NCS1: variants seen among roughly 807,000 people sequenced by gnomAD.
NCS1 encodes frequenin homolog.
A neutral mutation model predicts 28.4 loss-of-function variants in NCS1; 6 were observed. The ratio of observed to expected loss-of-function variants is 0.21; its 90% CI spans 0.12 to 0.42. The LOEUF is 0.42. Among genes scored for constraint, NCS1 ranks in the 10% least tolerant of loss-of-function variants. The pLI, the probability that NCS1 is intolerant of heterozygous loss-of-function variation, is 1.00. For synonymous variants in NCS1, 86 were observed against 99.3 expected, an observed-to-expected ratio of 0.87 and a Z score of 0.79; for missense variants, 131 against 241.4, an observed-to-expected ratio of 0.54 and a Z score of 3.03.
chr9:130,212,947 G>A (rs1833132006), intron 2 of NCS1, among the ~76,000 whole-genome samples: 1 of 152,136 alleles, frequency 6.6e-6, no homozygotes, highest in South Asian at 2.1e-4. Context: ...AGAGGCCTGG[G>A]GGTGGCTGGG....
At chr9:130,204,213 T>G (rs1374922409) in intron 2 of NCS1, among the ~76,000 whole-genome samples, 1 of 152,082 alleles carries the variant, frequency 6.6e-6, no homozygotes, top group Non-Finnish European at 1.5e-5. Context: ...GCCAGGCTGG[T>G]CTTGAACTCC....
At chr9:130,201,612 G>C (rs917461089) in intron 2 of NCS1, among the ~76,000 whole-genome samples, 2 of 152,154 alleles carry the variant, frequency 1.3e-5, no homozygotes, top group Admixed American at 6.5e-5. Context: ...GGCTCACCAT[G>C]TAAGGTGGCT....
In NCS1 at chr9:130,226,192, A is replaced by G. The variant is rs912590230; in HGVS notation, c.475-197A>G. 6.6e-6 allele frequency among the ~76,000 whole-genome samples: 1 copy of G among 152,204 alleles called. No individual in the cohort carries two copies. The highest frequency in any genetic ancestry group is 1.5e-5 in the Non-Finnish European group (1 of 68,024). On this transcript the variant is annotated intron_variant, in intron 6 of 7. Transcript: ENST00000372398. This position sits in a 1 kb window ranked among gnomAD's most constrained non-coding sequence, Gnocchi z 4.8. ...CCCAGGTGAAGAAACATGCCCAGAG[A>G]GGTGGGCCACGGCCCAAGGCCACCC...
chr9:130,197,975 A>C (rs1832896917), intron 1 of NCS1, among the ~76,000 whole-genome samples: 2 of 151,766 alleles, frequency 1.3e-5, no homozygotes, highest in Admixed American at 1.3e-4. Flanking sequence ...CAGAAAAAAA[A>C]AAAAAAAAAG....
rs909314823 is a variant in NCS1, at chr9:130,192,275, G to A, written c.65-8683G>A. On this transcript the variant is annotated intron_variant, in intron 1 of 7. Transcript: ENST00000372398. The surrounding 1 kb of genome is among the most constrained non-coding windows in gnomAD (Gnocchi z 4.8). ...TGCGTCTGCTGTCACGTTACTCTGA[G>A]CTTGGAGGCAGTGCCGCCGAGCACT... 2.0e-5 allele frequency among the ~76,000 whole-genome samples: 3 copies of A among 152,186 alleles called. No individual in the cohort carries two copies.
intron 3 of NCS1, 113 bp downstream of exon 3, chr9:130,218,083 C>T: frequency 7.5e-7 from 1 of 1,338,664 alleles, no homozygotes; most frequent in Non-Finnish European, 1.1e-6. Context: ...AAGGAACACA[C>T]ACACGAGTGC....
intron 1 of NCS1, among the ~76,000 whole-genome samples, chr9:130,190,031 C>CAAGAGAGAGA (rs1564704728): frequency 2.7e-5 from 1 of 37,436 alleles, no homozygotes. Flanking sequence ...TATGTTTATG[C>CAAGAGAGAGA]AAGAGAGAGA....
intron 1 of NCS1, among the ~76,000 whole-genome samples, chr9:130,190,032 A>AAGAGAGAGAGGG (rs1554906082): frequency 8.3e-6 from 1 of 120,470 alleles, no homozygotes; most frequent in African/African-American, 3.3e-5. Flanking sequence ...ATGTTTATGC[A>AAGAGAGAGAGGG]AGAGAGAGAG....
chr9:130,188,842 G>A (rs561916161), intron 1 of NCS1, among the ~76,000 whole-genome samples: 25 of 152,078 alleles, frequency 1.6e-4, no homozygotes, highest in African/African-American at 4.1e-4. Context: ...TCAGCCTCCC[G>A]AGTAACTGGA....
At chr9:130,206,794 T>G (rs533315654) in intron 2 of NCS1, among the ~76,000 whole-genome samples, 1 of 152,098 alleles carries the variant, frequency 6.6e-6, no homozygotes, top group Admixed American at 6.5e-5. Context: ...AAATGCAGGA[T>G]TCCTGAGCCC....
In NCS1 at chr9:130,226,303, G is replaced by A; in HGVS notation, c.475-86G>A. On this transcript the variant is annotated intron_variant, in intron 6 of 7. Transcript: ENST00000372398. The surrounding 1 kb of genome is among the most constrained non-coding windows in gnomAD (Gnocchi z 4.8). ...TCCCTCCTGATCTAACCTTGGAAGG[G>A]CTCTTGGGACCGGCCCTGGGCTGGG... The A allele has an allele frequency of 8.6e-7, 1 of 1,164,054 alleles. No individual in the cohort carries two copies. Among genetic ancestry groups the A allele is most frequent in the Non-Finnish European group, 1.3e-6 (1 of 787,844 alleles). The allele number at this position is 1,164,054 out of a possible 1,614,324, so 72.1% of individuals were successfully genotyped here. A position where few individuals can be genotyped will look rare whatever the true frequency, so the allele number is the denominator to read the frequency against.
intron 1 of NCS1, chr9:130,200,380 A>AG (rs1554907323): frequency 5.0e-6 from 3 of 598,416 alleles, no homozygotes; most frequent in Non-Finnish European, 8.9e-6. Flanking sequence ...AGCCTCTTTC[A>AG]GCTTTTGCTT....
intron 1 of NCS1, among the ~76,000 whole-genome samples, chr9:130,185,841 G>A (rs548835054): frequency 1.6e-4 from 25 of 152,248 alleles, no homozygotes; most frequent in African/African-American, 5.8e-4. Flanking sequence ...CAGCCTTGCC[G>A]GGCCATTGTT....
At chr9:130,193,400 C>T (rs1398808897) in intron 1 of NCS1, among the ~76,000 whole-genome samples, 4 of 151,730 alleles carry the variant, frequency 2.6e-5, no homozygotes, top group East Asian at 1.9e-4. Flanking sequence ...GAGAAGAGGC[C>T]GGCACAGCAG....
chr9:130,194,242 G>A (rs1317548557), intron 1 of NCS1, among the ~76,000 whole-genome samples: 1 of 150,830 alleles, frequency 6.6e-6, no homozygotes, highest in Non-Finnish European at 1.5e-5. Flanking sequence ...TCCTGGGACT[G>A]GCTCTCGTGT....
At chr9:130,213,594 C>CT (rs1322417390) in intron 2 of NCS1, among the ~76,000 whole-genome samples, 22 of 136,956 alleles carry the variant, frequency 1.6e-4, no homozygotes, top group East Asian at 7.0e-4. Flanking sequence ...GTTTTCTTTT[C>CT]TTTTTTTTTG....
At chr9:130,204,705 T>G (rs1317178274) in intron 2 of NCS1, among the ~76,000 whole-genome samples, 1 of 152,204 alleles carries the variant, frequency 6.6e-6, no homozygotes, top group African/African-American at 2.4e-5. Flanking sequence ...AGTAAAACTT[T>G]CTAGGAGTAG....
intron 1 of NCS1, among the ~76,000 whole-genome samples, chr9:130,176,138 T>TTTTCTTTCCTTC (rs1832561011): frequency 9.8e-6 from 1 of 102,218 alleles, no homozygotes; most frequent in African/African-American, 3.9e-5. Flanking sequence ...TATTTGTTCA[T>TTTTCTTTCCTTC]TTTCTTTCTT....
chr9:130,235,519 C>G lies in NCS1; in HGVS notation c.*2547C>G, dbSNP rs1242872450. ...TCCGGCCTTCCTCCATCGTCCTGCCCTTTGGCCTTTTGGTTTGAAGCCACA... is the reference window on the plus strand; with the variant it reads ...TCCGGCCTTCCTCCATCGTCCTGCCGTTTGGCCTTTTGGTTTGAAGCCACA... On this transcript the variant is annotated 3_prime_UTR_variant, in exon 8 of 8. Transcript: ENST00000372398. 6.6e-6 allele frequency: 1 copy of G among 152,530 alleles called. No homozygotes were observed. The highest frequency in any genetic ancestry group is 2.4e-5 in the African/African-American group (1 of 41,474). The allele number at this position is 152,530 out of a possible 1,614,324, so 9.4% of individuals were successfully genotyped here.
Sources: gnomAD v4.1 joint callset for allele counts (sites outside exome capture counted in the v4.1 genomes callset) on GRCh38, gnomAD v4.1.1 for gene constraint, Gnocchi (gnomAD v3.1) non-coding constraint, MANE v1.5 for transcripts, NCBI Gene and HGNC (gene_info 2026-07-23, HGNC 2026-07-21) for gene names.